CYLD: variants seen among roughly 807,000 people sequenced by gnomAD.
CYLD encodes CYLD lysine 63 deubiquitinase.
Under a neutral mutation model 104.5 loss-of-function variants are expected in CYLD, and 26 were observed. That is an observed-to-expected ratio of 0.25 (90% CI 0.18 to 0.35). The LOEUF is 0.35. Ranked by LOEUF, CYLD falls within the 10% of genes least tolerant of loss-of-function variation. The pLI is 1.00. For missense variants in CYLD, 703 were observed against 1,136.1 expected, an observed-to-expected ratio of 0.62 and a Z score of 5.48; for synonymous variants, 385 against 399.9, an observed-to-expected ratio of 0.96 and a Z score of 0.45.
intron 12 of CYLD, chr16:50,785,122 T>G (rs546091507): frequency 6.6e-6 from 1 of 152,262 alleles, no homozygotes; most frequent in African/African-American, 2.4e-5. Context: ...AGTAGTGATA[T>G]GTGATAATGT....
At chr16:50,781,888 C>T (rs1275575402) in intron 10 of CYLD, among the ~76,000 whole-genome samples, 1 of 152,148 alleles carries the variant, frequency 6.6e-6, no homozygotes, top group Non-Finnish European at 1.5e-5. Flanking sequence ...TGTTCCTTTC[C>T]ACTTCTACAT....
intron 1 of CYLD, 137 bp downstream of exon 1, chr16:50,742,261 C>T (rs1965732058): frequency 6.6e-6 from 1 of 150,998 alleles, no homozygotes; most frequent in African/African-American, 2.4e-5. Context: ...GCGGCCGGAT[C>T]CCCTCGGCGC....
In CYLD at chr16:50,798,895, C is replaced by G. The variant is rs1466803507; in HGVS notation, c.*2387C>G. The G allele has an allele frequency of 4.3e-6, 1 of 233,278 alleles. No individual in the cohort carries two copies. Among genetic ancestry groups the G allele is most frequent in the African/African-American group, 2.2e-5 (1 of 45,340 alleles). The allele number at this position is 233,278 out of a possible 1,614,324, so 14.5% of individuals were successfully genotyped here. On this transcript the variant is annotated 3_prime_UTR_variant, in exon 19 of 19. Transcript: ENST00000427738. ...TCATTAAGGGATGCCAGGGCCAGCT[C>G]TGGTGGTTCCTGGGGAGGCTGCGTC... is the stretch of plus-strand genomic sequence containing the variant.
At chr16:50,748,949 C>T (rs982949215) in intron 2 of CYLD, among the ~76,000 whole-genome samples, 2 of 152,210 alleles carry the variant, frequency 1.3e-5, no homozygotes, top group Non-Finnish European at 2.9e-5. Context: ...CGACTGTAAT[C>T]CCAGTGCGTT....
At chr16:50,787,534 T>A (rs944862559) in intron 13 of CYLD, 3 of 406,592 alleles carry the variant, frequency 7.4e-6, no homozygotes, top group Non-Finnish European at 8.9e-6. Context: ...TATTTCATTA[T>A]GTGCAATGTG....
chr16:50,742,738 G>A (rs2150867058), intron 1 of CYLD, 24 bp from the exon 2 acceptor site: 1 of 398,894 alleles, frequency 2.5e-6, no homozygotes, highest in Admixed American at 4.4e-5. Flanking sequence ...CCTTGTTAAT[G>A]GCGTGTTCTG....
At position 50,781,309 on chromosome 16, in the gene CYLD, C is replaced by T. The variant is rs1238284599; in HGVS notation, c.1582C>T (p.Leu528=). ...AGGCACTCGGTATTTCACCTGTGCCCTGAAGAAGGCGCTGTTTGTGAAACT... is the reference window on the plus strand; with the variant it reads ...AGGCACTCGGTATTTCACCTGTGCCTTGAAGAAGGCGCTGTTTGTGAAACT... ...FRGTRYFTCA[L]KKALFVKLKS... Residue 528 remains leucine (L), a synonymous_variant, in exon 10 of 19, where the codon CTG becomes TTG. Coordinates refer to ENST00000427738, the MANE Select transcript of CYLD (RefSeq NM_001378743.1). 1 of 1,613,964 alleles carries T rather than the reference C, an allele frequency of 6.2e-7. No individual in the cohort carries two copies. Among genetic ancestry groups the T allele is most frequent in the Non-Finnish European group, 8.5e-7 (1 of 1,179,882 alleles).
Position 50,796,440 on chromosome 16 carries a change from G to T in CYLD, c.2803G>T (p.Ala935Ser). ...GGACTCCAGGAGAATCCAAGGCTGTGCACGAAGACTGCTTTGTGATGCATA... is the reference window on the plus strand; with the variant it reads ...GGACTCCAGGAGAATCCAAGGCTGTTCACGAAGACTGCTTTGTGATGCATA... The part of the protein sequence containing the change: ...SLDSRRIQGC[A>S]RRLLCDAYMC... The change falls in exon 19 of 19, where the codon GCA becomes TCA. Residue 935 changes from alanine to serine, a missense_variant. This residue lies in a region of CYLD where 130 missense variants were observed against 220.2 expected (regional missense o/e 0.59). Transcript: ENST00000427738. 6.2e-7 allele frequency: 1 copy of T among 1,614,076 alleles called. No individual in the cohort carries two copies. Among genetic ancestry groups the T allele is most frequent in the Non-Finnish European group, 8.5e-7 (1 of 1,180,020 alleles).
intron 9 of CYLD, among the ~76,000 whole-genome samples, chr16:50,780,962 T>A (rs1218821064): frequency 6.6e-6 from 1 of 152,074 alleles, no homozygotes; most frequent in Non-Finnish European, 1.5e-5. Flanking sequence ...CTTGTAGAAA[T>A]GGTGCGGGAA....
At chr16:50,793,241 T>C (rs1176329579) in intron 16 of CYLD, among the ~76,000 whole-genome samples, 3 of 152,176 alleles carry the variant, frequency 2.0e-5, no homozygotes, top group South Asian at 2.1e-4. Context: ...ACTAAAATTG[T>C]AGATGCTTTT....
At chr16:50,763,575 G>A (rs1220306218) in intron 5 of CYLD, among the ~76,000 whole-genome samples, 4 of 152,158 alleles carry the variant, frequency 2.6e-5, no homozygotes, top group African/African-American at 9.7e-5. Flanking sequence ...TAGTGGGAAT[G>A]AAGTCATTTT....
rs1388871422 is a variant in CYLD, at chr16:50,796,369, A to G, written c.2732A>G (p.Glu911Gly). The change falls in exon 19 of 19, where the codon GAA (glutamate) becomes GGA (glycine). Residue 911 changes from glutamate to glycine, a missense_variant. Around this residue, in one of 5 missense-constraint regions of CYLD, gnomAD observed 130 missense variants for 220.2 expected, o/e 0.59. Coordinates refer to ENST00000427738, the MANE Select transcript of CYLD (RefSeq NM_001378743.1). Reference sequence around the variant, plus strand: ...ATTCCTCAAGTCACCCCATGCCCAGAAGTAGGAGAGTACTTGAAGATGTCT... The same window carrying G: ...ATTCCTCAAGTCACCCCATGCCCAGGAGTAGGAGAGTACTTGAAGATGTCT... ...FNIPQVTPCP[E>G]VGEYLKMSLE... is the part of the protein sequence containing the mutation. The G allele has an allele frequency of 6.2e-7, 1 of 1,614,182 alleles. No homozygotes were observed. Among genetic ancestry groups the G allele is most frequent in the Non-Finnish European group, 8.5e-7 (1 of 1,180,026 alleles).
In CYLD at chr16:50,742,798, C is replaced by T. The variant is rs1965822482; in HGVS notation, c.-167C>T. 3 of 398,450 alleles carry T rather than the reference C, an allele frequency of 7.5e-6. No homozygotes were observed. Among genetic ancestry groups the T allele is most frequent in the Non-Finnish European group, 1.3e-5 (3 of 226,104 alleles). 24.7% of individuals were successfully genotyped at this position (398,450 alleles called of 1,614,324 possible). A position where few individuals can be genotyped will look rare whatever the true frequency, so the allele number is the denominator to read the frequency against. On this transcript the variant is annotated 5_prime_UTR_variant, in exon 2 of 19. Transcript: ENST00000427738. ...CTAGGGTGAGGATGGTTCTACACAG[C>T]CACCCGGAGTTCCTTAGTTGAAAGG...
chr16:50,776,733 G>C (rs1012844080), intron 7 of CYLD, among the ~76,000 whole-genome samples: 1 of 152,162 alleles, frequency 6.6e-6, no homozygotes, highest in African/African-American at 2.4e-5. Flanking sequence ...CAATATGTGT[G>C]GAGCTTACAG....
intron 12 of CYLD, chr16:50,785,305 A>C (rs1365736455): frequency 6.6e-6 from 1 of 152,234 alleles, no homozygotes; most frequent in Non-Finnish European, 1.5e-5. Flanking sequence ...GTTTGATATC[A>C]AATTTGAACC....
rs770246549 is a variant in CYLD, at chr16:50,779,802, A to T, written c.1276A>T (p.Met426Leu). 3.1e-6 allele frequency: 5 copies of T among 1,613,568 alleles called. No individual in the cohort carries two copies. The African/African-American group carries it at 5.3e-5, about 17-fold the overall frequency. ...FHSLPFSLTK[M>L]PNTNGSIGHS... is the part of the protein sequence containing the mutation. ...CTCTTTACCATTCAGTCTCACCAAG[A>T]TGCCCAATACCAATGGAAGTATTGG... Residue 426 changes from methionine to leucine, a missense_variant, in exon 9 of 19, where the codon ATG (methionine) becomes TTG (leucine). Physicochemically the swap from Met to Leu is conservative, Grantham distance 15. Around this residue, in one of 5 missense-constraint regions of CYLD, gnomAD observed 183 missense variants for 212.1 expected, o/e 0.86. Coordinates refer to ENST00000427738, the MANE Select transcript of CYLD (RefSeq NM_001378743.1).
At chr16:50,782,549 A>T (rs1597059444) in intron 11 of CYLD, 83 bp downstream of exon 11, 4 of 1,422,214 alleles carry the variant, frequency 2.8e-6, no homozygotes, top group Non-Finnish European at 2.0e-6. Flanking sequence ...TGTGCGTGTG[A>T]GTGTGTGTGA....
At chr16:50,783,151 C>T (rs928987502) in intron 11 of CYLD, among the ~76,000 whole-genome samples, 2 of 152,038 alleles carry the variant, frequency 1.3e-5, no homozygotes, top group East Asian at 1.9e-4. Flanking sequence ...AGGCTGGTCT[C>T]GAACGTCTCA....
Position 50,796,828 on chromosome 16 carries a change from T to A in CYLD, c.*320T>A. On this transcript the variant is annotated 3_prime_UTR_variant, in exon 19 of 19. Transcript: ENST00000427738. ...AAGCATACAATTTTAATTGTGGAAG[T>A]TTAAAGCCTCTTTTAGTCCATTGAG... The A allele has an allele frequency of 1.3e-5, 5 of 399,018 alleles. No homozygotes were observed. The South Asian group carries it at 1.4e-4, about 11-fold the overall frequency. The allele number at this position is 399,018 out of a possible 1,614,324, so 24.7% of individuals were successfully genotyped here. A position where few individuals can be genotyped will look rare whatever the true frequency, so the allele number is the denominator to read the frequency against.
Sources: allele counts gnomAD v4.1 joint callset (sites outside exome capture counted in the v4.1 genomes callset), GRCh38; gene constraint gnomAD v4.1.1; regional missense constraint gnomAD v4.1.1; transcripts MANE v1.5; gene names NCBI Gene and HGNC (gene_info 2026-07-23, HGNC 2026-07-21).